ANO2: variants seen among roughly 807,000 people sequenced by gnomAD.
ANO2 encodes anoctamin 2.
A neutral mutation model predicts 124.2 loss-of-function variants in ANO2; 101 were observed. The observed-to-expected ratio is 0.81, with a 90% confidence interval of 0.69 to 0.96. The LOEUF (loss-of-function observed/expected upper bound fraction) is 0.96. ANO2 is among the 40% of genes least tolerant of loss of function. ANO2 has a pLI of 0.00. For missense variants in ANO2, 1,293 were observed against 1,274.5 expected (o/e 1.01, Z -0.22); for synonymous variants, 486 against 482.5 (o/e 1.01, Z -0.09).
In ANO2 at chr12:5,658,889, C is replaced by T. The variant is rs375074786; in HGVS notation, c.1546-11088G>A. On this transcript the variant is annotated intron_variant, in intron 14 of 24. Transcript: ENST00000682330. This position sits in a 1 kb window ranked among gnomAD's most constrained non-coding sequence, Gnocchi z 4.3. ...TCATCATCATCAACATCATTATCAT[C>T]ATTAAAATCATCATCAGCAACAGCA... is the stretch of plus-strand genomic sequence containing the variant. Among the ~76,000 whole-genome samples the T allele has an allele frequency of 3.9e-5, 6 of 152,160 alleles. No homozygotes were observed. The highest frequency in any genetic ancestry group is 1.4e-4 in the African/African-American group (6 of 41,430).
intron 14 of ANO2, among the ~76,000 whole-genome samples, chr12:5,680,231 C>A (rs1948433319): frequency 6.6e-6 from 1 of 152,092 alleles, no homozygotes; most frequent in South Asian, 2.1e-4. Flanking sequence ...AGCAAACCAC[C>A]ATGACACACT....
At chr12:5,918,736 G>A (rs1941525711) in intron 3 of ANO2, among the ~76,000 whole-genome samples, 1 of 152,122 alleles carries the variant, frequency 6.6e-6, no homozygotes, top group Admixed American at 6.6e-5. Context: ...ACCACACCCA[G>A]CCAACTTAAA....
intron 4 of ANO2, chr12:5,851,989 AC>A: frequency 2.7e-6 from 2 of 729,268 alleles, no homozygotes; most frequent in Non-Finnish European, 2.5e-6. Context: ...AGAGATTAAA[AC>A]ATAGGAAACA....
At chr12:5,731,639 C>T (rs1287589552) in intron 14 of ANO2, among the ~76,000 whole-genome samples, 1 of 151,918 alleles carries the variant, frequency 6.6e-6, no homozygotes, top group African/African-American at 2.4e-5. Flanking sequence ...AGACAGGTGG[C>T]ACACAGAGAC....
intron 13 of ANO2, 32 bp from the exon 14 acceptor site, chr12:5,732,662 C>T (rs574993037): frequency 1.3e-6 from 2 of 1,597,522 alleles, no homozygotes; most frequent in South Asian, 1.1e-5. Flanking sequence ...GGTTAGTAAA[C>T]AAAAGGAAGA....
intron 19 of ANO2, among the ~76,000 whole-genome samples, chr12:5,607,734 G>A (rs551930485): frequency 9.2e-5 from 14 of 152,274 alleles, no homozygotes; most frequent in African/African-American, 3.1e-4. Context: ...AACCCTACGT[G>A]AACTGTGCAT....
chr12:5,597,258 C>G (rs765190462), intron 20 of ANO2, among the ~76,000 whole-genome samples: 20 of 152,224 alleles, frequency 1.3e-4, no homozygotes, highest in Middle Eastern at 3.4e-3. Flanking sequence ...CTCATCCCCA[C>G]CCTCTGATGG....
intron 1 of ANO2, among the ~76,000 whole-genome samples, chr12:5,931,631 A>G (rs368478663): frequency 7.8e-6 from 1 of 127,644 alleles, no homozygotes; most frequent in East Asian, 2.2e-4. Flanking sequence ...GAAAGTGACT[A>G]ATAAGGAAAG....
At chr12:5,637,031 G>A (rs1421511415) in intron 15 of ANO2, among the ~76,000 whole-genome samples, 1 of 151,210 alleles carries the variant, frequency 6.6e-6, no homozygotes, top group Admixed American at 6.6e-5. Context: ...GAGGTTAGAT[G>A]GGAAAAACAC....
At chr12:5,765,509 CAG>C (rs1447249647) in intron 10 of ANO2, among the ~76,000 whole-genome samples, 3 of 152,150 alleles carry the variant, frequency 2.0e-5, no homozygotes, top group Non-Finnish European at 4.4e-5. Context: ...TGTGGTATAA[CAG>C]AGATCACAGA....
rs1336690651 is a variant in ANO2 at position 5,925,757 on chromosome 12, G to A, written c.23-2953C>T. Among the ~76,000 whole-genome samples the A allele has an allele frequency of 6.6e-6, 1 of 152,234 alleles. No homozygotes were observed. Among genetic ancestry groups the A allele is most frequent in the Non-Finnish European group, 1.5e-5 (1 of 68,050 alleles). On this transcript the variant is annotated intron_variant, in intron 1 of 24. Transcript: ENST00000682330. This position sits in a 1 kb window ranked among gnomAD's most constrained non-coding sequence, Gnocchi z 4.6. The stretch of plus-strand genomic sequence containing the variant: ...TCCTTCCACGCTGCCTTGAACAACA[G>A]ATCCTTGGGTGTTCATAACTGCAAT...
intron 23 of ANO2, among the ~76,000 whole-genome samples, chr12:5,570,244 T>C (rs909502479): frequency 1.3e-5 from 2 of 152,074 alleles, no homozygotes; most frequent in African/African-American, 4.8e-5. Context: ...CATGAAACAA[T>C]ACCTTAAAAG....
At chr12:5,732,491 G>A in intron 14 of ANO2, 29 bp downstream of exon 14, 2 of 1,574,614 alleles carry the variant, frequency 1.3e-6, no homozygotes, top group Non-Finnish European at 1.7e-6. Context: ...AAGTAAAGAG[G>A]ACCGTGAGCA....
intron 1 of ANO2, among the ~76,000 whole-genome samples, 193 bp from the exon 2 acceptor site, chr12:5,922,997 GCCC>G (rs201139186): frequency 2.0e-5 from 3 of 151,206 alleles, no homozygotes; most frequent in Non-Finnish European, 4.4e-5. Context: ...AGGAAGTGCG[GCCC>G]CCCGACTGCA....
chr12:5,790,120 C>T (rs1335345310), intron 10 of ANO2, among the ~76,000 whole-genome samples: 4 of 152,206 alleles, frequency 2.6e-5, no homozygotes, highest in African/African-American at 9.7e-5. Context: ...CAGAACTGCA[C>T]CTGCCATCAT....
intron 14 of ANO2, among the ~76,000 whole-genome samples, chr12:5,685,262 C>G (rs925629767): frequency 6.6e-6 from 1 of 152,184 alleles, no homozygotes; most frequent in Non-Finnish European, 1.5e-5. Context: ...CCTGGCCATT[C>G]TCAGAGGACT....
At chr12:5,668,100 C>T (rs1256900717) in intron 14 of ANO2, among the ~76,000 whole-genome samples, 1 of 152,184 alleles carries the variant, frequency 6.6e-6, no homozygotes, top group Non-Finnish European at 1.5e-5. Flanking sequence ...AATGGTATTT[C>T]TGGTTCTAGA....
intron 5 of ANO2, among the ~76,000 whole-genome samples, chr12:5,830,775 C>T (rs71579277): frequency 0.056 from 8,576 of 151,996 alleles, 356 homozygotes; most frequent in East Asian, 0.23. Flanking sequence ...ATGCAATGCC[C>T]AAATCTATAG....
intron 14 of ANO2, among the ~76,000 whole-genome samples, chr12:5,681,605 G>A (rs1288695044): frequency 1.3e-5 from 2 of 152,220 alleles, no homozygotes; most frequent in Admixed American, 6.5e-5. Flanking sequence ...CGCATTAAAA[G>A]TTAATGAACA....
Sources: gnomAD v4.1 joint callset for allele counts (sites outside exome capture counted in the v4.1 genomes callset) on GRCh38, gnomAD v4.1.1 for gene constraint, Gnocchi (gnomAD v3.1) non-coding constraint, MANE v1.5 for transcripts, NCBI Gene and HGNC (gene_info 2026-07-23, HGNC 2026-07-21) for gene names.